Variants in ADGRE5 observed in about 807,000 individuals in gnomAD.
ADGRE5 encodes the protein CD97 molecule.
In ADGRE5, 72 loss-of-function variants were observed where a neutral mutation model predicts 100.3. That is an observed-to-expected ratio of 0.72 (90% CI 0.59 to 0.87). The LOEUF (loss-of-function observed/expected upper bound fraction) is 0.87, where lower values mean the gene tolerates loss of function less well. ADGRE5 is among the 40% of genes least tolerant of loss of function. The pLI, the probability that ADGRE5 is intolerant of heterozygous loss-of-function variation, is 0.00. For missense variants in ADGRE5, 959 were observed against 1,094.7 expected (o/e 0.88, Z 1.75); for synonymous variants, 439 against 447.8 (o/e 0.98, Z 0.25).
chr19:14,393,158 G>A (rs1028559266), intron 4 of ADGRE5, among the ~76,000 whole-genome samples: 8 of 149,208 alleles, frequency 5.4e-5, no homozygotes, highest in South Asian at 2.1e-4. Flanking sequence ...CCGATATTGC[G>A]CCACTACACT....
At chr19:14,398,029 GCT>G (rs774474296) in intron 8 of ADGRE5, 31 bp from the exon 9 acceptor site, 1 of 1,606,730 alleles carries the variant, frequency 6.2e-7, no homozygotes, top group African/African-American at 1.3e-5. Flanking sequence ...CGCCGTCCAG[GCT>G]CTCTGACCCC....
intron 8 of ADGRE5, 32 bp from the exon 9 acceptor site, chr19:14,398,030 C>T (rs1222468403): frequency 1.2e-6 from 2 of 1,607,082 alleles, no homozygotes; most frequent in South Asian, 1.1e-5. Context: ...GCCGTCCAGG[C>T]TCTCTGACCC....
intron 3 of ADGRE5, among the ~76,000 whole-genome samples, chr19:14,390,562 G>GA (rs1433993739): frequency 6.6e-6 from 1 of 152,096 alleles, no homozygotes; most frequent in Non-Finnish European, 1.5e-5. Context: ...GACCTCAGGG[G>GA]ATCCACCTGC....
chr19:14,384,298 A>G (rs1378568189), intron 1 of ADGRE5, among the ~76,000 whole-genome samples: 3 of 152,080 alleles, frequency 2.0e-5, no homozygotes, highest in Non-Finnish European at 4.4e-5. Flanking sequence ...AAATTTGAAC[A>G]CAGTGGCTGA....
In ADGRE5 at chr19:14,406,377, T is replaced by G. The variant is rs779808294; in HGVS notation, c.1868T>G (p.Phe623Cys). 15 of 1,588,340 alleles carry G rather than the reference T, an allele frequency of 9.4e-6. No individual in the cohort carries two copies. The Admixed American group carries it at 2.5e-4, about 26-fold the overall frequency. Residue 623 changes from phenylalanine (F) to cysteine (C), a missense_variant, in exon 15 of 20, where the codon TTC (phenylalanine) becomes TGC (cysteine). By Grantham distance (205) the Phe-to-Cys change is radical (BLOSUM62 -2). Around this residue, in one of 6 missense-constraint regions of ADGRE5, gnomAD observed 428 missense variants for 386.2 expected, o/e 1.11. Transcript: ENST00000242786. The surrounding 1 kb of genome is among the most constrained non-coding windows in gnomAD (Gnocchi z 6.0). ...GTGGCCGGGCTGCTGCACTACTGTT[T>G]CCTGGCCGCCTTCTGCTGGATGAGC... ...RLVAGLLHYCFLAAFCWMSLE... is the reference protein window; with the variant it reads ...RLVAGLLHYCCLAAFCWMSLE...
At position 14,406,943 on chromosome 19, in the gene ADGRE5, G is replaced by C; in HGVS notation, c.2190G>C (p.Lys730Asn). The C allele has an allele frequency of 6.2e-7, 1 of 1,614,172 alleles. No individual in the cohort carries two copies. The highest frequency in any genetic ancestry group is 8.5e-7 in the Non-Finnish European group (1 of 1,180,006). Residue 730 changes from lysine (K) to asparagine (N), a missense_variant, in exon 17 of 20, where the codon AAG (lysine) becomes AAC (asparagine). Transcript: ENST00000242786. This position sits in a 1 kb window ranked among gnomAD's most constrained non-coding sequence, Gnocchi z 6.0. ...QKFSEINPDM[K>N]KLKKARALTI... ...TTTCTGAAATCAATCCAGACATGAA[G>C]AAATTAAAGAAGGCGAGGTGAGAGG...
Position 14,397,752 on chromosome 19 carries a change from C to T in ADGRE5, c.720C>T (p.Gly240=). Residue 240 remains glycine, a synonymous_variant, in exon 7 of 20, where the codon GGC becomes GGT. Transcript: ENST00000242786. The part of the protein sequence containing the change: ...VGSYSCRCRP[G]WKPRHGIPNN... The stretch of plus-strand genomic sequence containing the variant: ...CATACAGCTGCCGCTGCCGCCCAGG[C>T]TGGAAGCCCAGACACGGAATCCCGA... The T allele has an allele frequency of 7.1e-7, 1 of 1,404,732 alleles. No individual in the cohort carries two copies. The highest frequency in any genetic ancestry group is 9.8e-7 in the Non-Finnish European group (1 of 1,016,016). 87.0% of individuals were successfully genotyped at this position (1,404,732 alleles called of 1,614,324 possible).
At chr19:14,389,343 A>AGGGGAAGGGGAGGGGAAG (rs1555706910) in intron 3 of ADGRE5, among the ~76,000 whole-genome samples, 2 of 12,160 alleles carry the variant, frequency 1.6e-4, no homozygotes, top group African/African-American at 1.3e-3. Context: ...GGGGAAGGGG[A>AGGGGAAGGGGAGGGGAAG]GGGGAAGGGG....
intron 5 of ADGRE5, among the ~76,000 whole-genome samples, chr19:14,396,724 C>T (rs546567030): frequency 3.9e-5 from 6 of 152,328 alleles, no homozygotes; most frequent in African/African-American, 1.2e-4. Context: ...CTGTCACGTG[C>T]GAGTGGAAGA....
intron 13 of ADGRE5, 178 bp from the exon 14 acceptor site, chr19:14,405,569 CA>C: frequency 1.7e-6 from 1 of 573,900 alleles, no homozygotes; most frequent in Non-Finnish European, 3.0e-6. Context: ...CCAGCAAGCA[CA>C]AAAATGTGAA....
At chr19:14,399,937 T>A (rs1355204989) in intron 9 of ADGRE5, among the ~76,000 whole-genome samples, 4 of 152,092 alleles carry the variant, frequency 2.6e-5, no homozygotes, top group Non-Finnish European at 5.9e-5. Context: ...CCTCCTGGGC[T>A]CAAGCAATCC....
At chr19:14,393,503 G>A (rs1975671987) in intron 4 of ADGRE5, among the ~76,000 whole-genome samples, 1 of 152,266 alleles carries the variant, frequency 6.6e-6, no homozygotes, top group African/African-American at 2.4e-5. Context: ...GCAGATGGGA[G>A]CCAGCAGTGG....
chr19:14,381,472 A>C lies in ADGRE5; in HGVS notation c.-52A>C. 1 of 1,606,360 alleles carries C rather than the reference A, an allele frequency of 6.2e-7. No homozygotes were observed. Among genetic ancestry groups the C allele is most frequent in the Non-Finnish European group, 8.5e-7 (1 of 1,176,740 alleles). On this transcript the variant is annotated 5_prime_UTR_variant, in exon 1 of 20. Coordinates refer to ENST00000242786, the MANE Select transcript of ADGRE5 (RefSeq NM_078481.4). ...GCTGCCTAGCCTGTGGAGACGGGAC[A>C]GCCCTGTCCCACTCACTCTTTCCCC...
intron 2 of ADGRE5, 65 bp from the exon 3 acceptor site, chr19:14,388,637 C>T (rs1424450424): frequency 7.5e-6 from 12 of 1,608,172 alleles, no homozygotes; most frequent in Non-Finnish European, 1.0e-5. Flanking sequence ...CCCATCTCCC[C>T]CAGTGCCCCC....
chr19:14,404,899 G>A (rs1030212857), intron 13 of ADGRE5: 27 of 288,236 alleles, frequency 9.4e-5, no homozygotes, highest in African/African-American at 4.2e-4. Context: ...AGTCTCTGTC[G>A]CCCAGGTTGG....
In ADGRE5 at chr19:14,404,668, CT is replaced by C. The variant is rs1976149308; in HGVS notation, c.1629+107del. ...AGCCCTACTGGTTGCTCAGATATAT[CT>C]GCATGGTTGCACAGCCCAGGTGTCC... On this transcript the variant is annotated intron_variant, in intron 13 of 19. Transcript: ENST00000242786. The C allele has an allele frequency of 3.5e-6, 4 of 1,137,692 alleles. No individual in the cohort carries two copies. In the Admixed American group the frequency reaches 1.0e-4, roughly 29 times the overall value. The allele number at this position is 1,137,692 out of a possible 1,614,324, so 70.5% of individuals were successfully genotyped here.
rs763572422 is a variant in ADGRE5 at position 14,407,157 on chromosome 19, CTA to C, written c.2306_2307del (p.Tyr769CysfsTer117). 6.2e-7 allele frequency: 1 copy of C among 1,614,158 alleles called. No homozygotes were observed. Among genetic ancestry groups the C allele is most frequent in the Non-Finnish European group, 8.5e-7 (1 of 1,180,034 alleles). On this transcript the variant is annotated frameshift_variant, in exon 18 of 20. Coordinates refer to ENST00000242786, the MANE Select transcript of ADGRE5 (RefSeq NM_078481.4). LOFTEE classifies it high-confidence loss of function. ...IFDDRSLVLT[Y>X]VFTILNCLQG... The stretch of plus-strand genomic sequence containing the variant: ...TCGACGATCGGAGCTTGGTGCTGAC[CTA>C]TGTGTTTACCATCCTCAACTGCCTG...
Position 14,408,688 on chromosome 19 carries a change from G to A in ADGRE5, c.*567G>A. The stretch of plus-strand genomic sequence containing the variant: ...TGTTTTTATCTGTTAAAATTTTTCA[G>A]TGTTGACACTTAAAATTAAACACAT... On this transcript the variant is annotated 3_prime_UTR_variant, in exon 20 of 20. Coordinates refer to ENST00000242786, the MANE Select transcript of ADGRE5 (RefSeq NM_078481.4). The A allele has an allele frequency of 1.8e-6, 1 of 549,314 alleles. No homozygotes were observed. The highest frequency in any genetic ancestry group is 3.1e-6 in the Non-Finnish European group (1 of 321,276). The allele number at this position is 549,314 out of a possible 1,614,324, so 34.0% of individuals were successfully genotyped here. A position where few individuals can be genotyped will look rare whatever the true frequency, so the allele number is the denominator to read the frequency against.
At chr19:14,386,149 G>A (rs980332599) in intron 1 of ADGRE5, among the ~76,000 whole-genome samples, 18 of 151,890 alleles carry the variant, frequency 1.2e-4, no homozygotes, top group Admixed American at 3.3e-4. Context: ...GGAGGCCAAG[G>A]CAGGTGGATC....
Sources: allele counts gnomAD v4.1 joint callset (sites outside exome capture counted in the v4.1 genomes callset), GRCh38; gene constraint gnomAD v4.1.1; regional missense constraint gnomAD v4.1.1; non-coding constraint Gnocchi (gnomAD v3.1); transcripts MANE v1.5; gene names NCBI Gene and HGNC (gene_info 2026-07-23, HGNC 2026-07-21).